GTF2F2: variants seen among roughly 807,000 people sequenced by gnomAD.
GTF2F2 encodes general transcription factor IIF subunit 2.
Under a neutral mutation model 42.2 loss-of-function variants are expected in GTF2F2, and 23 were observed. The ratio of observed to expected loss-of-function variants is 0.55; its 90% CI spans 0.39 to 0.77. The LOEUF (loss-of-function observed/expected upper bound fraction) is 0.77, where lower values mean the gene tolerates loss of function less well. Among genes scored for constraint, GTF2F2 ranks in the 30% least tolerant of loss-of-function variants. The probability of loss-of-function intolerance (pLI) is 0.00; values close to 1 mark genes in which losing one functional copy is unlikely to be tolerated. For missense variants in GTF2F2, 261 were observed against 287.2 expected (o/e 0.91, Z 0.66); for synonymous variants, 105 against 100.8 (o/e 1.04, Z -0.25).
intron 5 of GTF2F2, among the ~76,000 whole-genome samples, chr13:45,244,609 G>A (rs1875490968): frequency 6.6e-6 from 1 of 152,108 alleles, no homozygotes; most frequent in Admixed American, 6.6e-5. Flanking sequence ...CCTTATAATA[G>A]TAACAAAGCT....
intron 5 of GTF2F2, among the ~76,000 whole-genome samples, chr13:45,241,577 C>CATAT (rs1555271160): frequency 6.6e-6 from 1 of 151,752 alleles, no homozygotes; most frequent in Non-Finnish European, 1.5e-5. Flanking sequence ...TTTAAATAGA[C>CATAT]ACGGCTAGTG....
chr13:45,165,571 C>T (rs1010962668), intron 4 of GTF2F2, among the ~76,000 whole-genome samples: 5 of 150,606 alleles, frequency 3.3e-5, no homozygotes, highest in African/African-American at 7.3e-5. Flanking sequence ...GCCCTCGCCC[C>T]CCCCCGCCGC....
intron 4 of GTF2F2, among the ~76,000 whole-genome samples, chr13:45,190,211 A>C (rs1593480551): frequency 6.6e-6 from 1 of 152,210 alleles, no homozygotes; most frequent in South Asian, 2.1e-4. Flanking sequence ...CACTTCTCAA[A>C]AGAAGACATT....
chr13:45,137,865 A>T (rs949336069), intron 2 of GTF2F2, among the ~76,000 whole-genome samples: 1 of 151,992 alleles, frequency 6.6e-6, no homozygotes, highest in Non-Finnish European at 1.5e-5. Flanking sequence ...TTTATTTCAA[A>T]ATATGGAATA....
At chr13:45,173,463 G>A (rs979113048) in intron 4 of GTF2F2, among the ~76,000 whole-genome samples, 7 of 151,868 alleles carry the variant, frequency 4.6e-5, no homozygotes, top group Middle Eastern at 3.4e-3. Context: ...TCAAGATGCA[G>A]AACAGTTCCA....
intron 4 of GTF2F2, among the ~76,000 whole-genome samples, chr13:45,172,227 A>G (rs1254997272): frequency 1.3e-5 from 2 of 152,078 alleles, no homozygotes; most frequent in Non-Finnish European, 2.9e-5. Context: ...GTGCAGTGGC[A>G]TTTCATTGTG....
intron 7 of GTF2F2, 84 bp downstream of exon 7, chr13:45,267,460 G>A: frequency 1.1e-6 from 1 of 941,262 alleles, no homozygotes; most frequent in African/African-American, 1.7e-5. Flanking sequence ...ACATGATTTA[G>A]TTCACATTTA....
chr13:45,256,756 A>G (rs1876119572), intron 6 of GTF2F2, among the ~76,000 whole-genome samples: 1 of 152,170 alleles, frequency 6.6e-6, no homozygotes, highest in Non-Finnish European at 1.5e-5. Context: ...AACACAGGTC[A>G]GCAAGAATGA....
intron 5 of GTF2F2, among the ~76,000 whole-genome samples, chr13:45,250,362 A>G (rs774583806): frequency 2.6e-5 from 4 of 151,918 alleles, no homozygotes; most frequent in Non-Finnish European, 5.9e-5. Flanking sequence ...ATTTCTTATA[A>G]GCATGAGCAG....
chr13:45,193,597 A>G, intron 4 of GTF2F2: 3 of 539,454 alleles, frequency 5.6e-6, no homozygotes, highest in African/African-American at 3.8e-5. Flanking sequence ...GAGTCTGATC[A>G]GTAGGAACAC....
At chr13:45,269,623 A>G (rs893939965) in intron 7 of GTF2F2, among the ~76,000 whole-genome samples, 2 of 152,158 alleles carry the variant, frequency 1.3e-5, no homozygotes, top group African/African-American at 4.8e-5. Flanking sequence ...ATGGTCCAGG[A>G]AAGGGGGTGT....
At chr13:45,204,810 T>G (rs939428597) in intron 4 of GTF2F2, among the ~76,000 whole-genome samples, 3 of 152,232 alleles carry the variant, frequency 2.0e-5, no homozygotes, top group Non-Finnish European at 4.4e-5. Context: ...TGATGAAGAC[T>G]TTTCCATTCA....
At chr13:45,168,330 C>A (rs1051710855) in intron 4 of GTF2F2, among the ~76,000 whole-genome samples, 1 of 152,246 alleles carries the variant, frequency 6.6e-6, no homozygotes, top group African/African-American at 2.4e-5. Context: ...GCTTCTCTTG[C>A]TGCCAACTAC....
At chr13:45,246,993 AG>A (rs1426464545) in intron 5 of GTF2F2, among the ~76,000 whole-genome samples, 1 of 150,098 alleles carries the variant, frequency 6.7e-6, no homozygotes, top group African/African-American at 2.5e-5. Context: ...AGCCGAGATA[AG>A]CGCCACTGCA....
At chr13:45,268,601 A>AT (rs889999442) in intron 7 of GTF2F2, among the ~76,000 whole-genome samples, 17 of 152,040 alleles carry the variant, frequency 1.1e-4, no homozygotes, top group South Asian at 4.1e-4. Flanking sequence ...TAGATTAAAA[A>AT]TTTTTTTTGA....
chr13:45,224,870 A>G (rs1181892268), intron 5 of GTF2F2, among the ~76,000 whole-genome samples: 3 of 152,226 alleles, frequency 2.0e-5, no homozygotes, highest in African/African-American at 7.2e-5. Context: ...GTCAATCTCA[A>G]TGTATGTTCA....
intron 4 of GTF2F2, among the ~76,000 whole-genome samples, chr13:45,183,604 A>C (rs1872267784): frequency 6.6e-6 from 1 of 152,138 alleles, no homozygotes; most frequent in African/African-American, 2.4e-5. Flanking sequence ...TGCAGGTTTA[A>C]TTTGGGTGTA....
intron 5 of GTF2F2, among the ~76,000 whole-genome samples, chr13:45,211,697 C>T (rs545139250): frequency 1.3e-5 from 2 of 151,942 alleles, no homozygotes; most frequent in South Asian, 2.1e-4. Context: ...AAATGATGCT[C>T]CTGCCTCAGC....
Position 45,283,661 on chromosome 13 carries a change from A to C in GTF2F2, c.*100A>C, listed in dbSNP as rs1877356090. Reference sequence around the variant, plus strand: ...TGAACACCGTATGTTAATAGGGGTTAAGTGACAGTACTTTGATTTCTCTCG... The same window carrying C: ...TGAACACCGTATGTTAATAGGGGTTCAGTGACAGTACTTTGATTTCTCTCG... On this transcript the variant is annotated 3_prime_UTR_variant, in exon 8 of 8. Transcript: ENST00000340473. The C allele has an allele frequency of 1.1e-6, 1 of 913,392 alleles. No homozygotes were observed. The allele number at this position is 913,392 out of a possible 1,614,324, so 56.6% of individuals were successfully genotyped here.
Sources: gnomAD v4.1 joint callset for allele counts (sites outside exome capture counted in the v4.1 genomes callset) on GRCh38, gnomAD v4.1.1 for gene constraint, MANE v1.5 for transcripts, NCBI Gene and HGNC (gene_info 2026-07-23, HGNC 2026-07-21) for gene names.